POLA2: variants seen among roughly 807,000 people sequenced by gnomAD.
POLA2 encodes DNA polymerase alpha subunit B.
POLA2 carries 47 observed loss-of-function variants against 82.8 expected under a neutral mutation model. That is an observed-to-expected ratio of 0.57 (90% CI 0.45 to 0.72). POLA2 has a LOEUF of 0.72. Ranked by LOEUF, POLA2 falls within the 30% of genes least tolerant of loss-of-function variation. POLA2 has a pLI of 0.00. For synonymous variants in POLA2, 287 were observed against 286.8 expected, an observed-to-expected ratio of 1.00 and a Z score of -0.01; for missense variants, 634 against 728.1, an observed-to-expected ratio of 0.87 and a Z score of 1.49.
Position 65,295,614 on chromosome 11 carries a change from G to A in POLA2, c.1520+15G>A, listed in dbSNP as rs746936146. 1.1e-5 allele frequency: 17 copies of A among 1,609,502 alleles called. No homozygotes were observed. Among genetic ancestry groups the A allele is most frequent in the Non-Finnish European group, 1.4e-5 (17 of 1,176,462 alleles). On this transcript the variant is annotated intron_variant, in intron 16 of 17. Transcript: ENST00000265465. ...ACCCAGAGGAGGTGAGCTTGCCGCT[G>A]GGACCCCTGACTGTGGAGAGAGTGC...
chr11:65,268,378 G>A (rs1365506589), intron 3 of POLA2, among the ~76,000 whole-genome samples: 1 of 150,494 alleles, frequency 6.6e-6, no homozygotes, highest in African/African-American at 2.5e-5. Flanking sequence ...TTGAGATGGA[G>A]TCTCGCTGTG....
Position 65,295,999 on chromosome 11 carries a change from G to A in POLA2, c.1647+9G>A, listed in dbSNP as rs376439636. On this transcript the variant is annotated intron_variant, in intron 17 of 17. Transcript: ENST00000265465. ...TGAGGTACTTCGTGAAGGTAGGTTTGAACTCTGCTTTTTCCCAGAAACACC... is the reference window on the plus strand; with the variant it reads ...TGAGGTACTTCGTGAAGGTAGGTTTAAACTCTGCTTTTTCCCAGAAACACC... The A allele has an allele frequency of 7.7e-5, 125 of 1,613,932 alleles. No homozygotes were observed. The highest frequency in any genetic ancestry group is 9.3e-5 in the Non-Finnish European group (110 of 1,179,982).
rs752504026 is a variant in POLA2, at chr11:65,262,383, A to G, written c.79+12A>G. The G allele has an allele frequency of 1.2e-6, 2 of 1,604,666 alleles. No homozygotes were observed. Among genetic ancestry groups the G allele is most frequent in the Non-Finnish European group, 1.7e-6 (2 of 1,174,790 alleles). ...TCTAATTGAGAAATGTGAGTCCCGC[A>G]CCCCTCCCGCCCTGCAGCCGTGCTC... On this transcript the variant is annotated intron_variant, in intron 1 of 17. Transcript: ENST00000265465.
At chr11:65,287,621 G>T in intron 10 of POLA2, 95 bp from the exon 11 acceptor site, 1 of 1,188,242 alleles carries the variant, frequency 8.4e-7, no homozygotes. Context: ...GACTCAATGA[G>T]TTAAATCCTG....
At chr11:65,304,697 G>A (rs1949877471) in intron 8 of POLA2, among the ~76,000 whole-genome samples, 1 of 152,212 alleles carries the variant, frequency 6.6e-6, no homozygotes, top group African/African-American at 2.4e-5. Flanking sequence ...TGAGGTGGAG[G>A]GAGCAAATCG....
chr11:65,264,058 G>GT (rs1376819962), intron 1 of POLA2, among the ~76,000 whole-genome samples: 6 of 151,682 alleles, frequency 4.0e-5, no homozygotes, highest in East Asian at 1.9e-4. Flanking sequence ...GTATTTCCCT[G>GT]TTTTTTTTGT....
Position 65,262,203 on chromosome 11 carries a change from G to C in POLA2, c.-90G>C. 1.1e-6 allele frequency: 1 copy of C among 944,504 alleles called. No homozygotes were observed. The highest frequency in any genetic ancestry group is 1.7e-6 in the Non-Finnish European group (1 of 597,420). The allele number at this position is 944,504 out of a possible 1,614,324, so 58.5% of individuals were successfully genotyped here. Reference sequence around the variant, plus strand: ...GCGGAGGGGGGAAGGATAAGAGGGCGAGGAGCTCATCGCTCGCCACCCCCG... The same window carrying C: ...GCGGAGGGGGGAAGGATAAGAGGGCCAGGAGCTCATCGCTCGCCACCCCCG... On this transcript the variant is annotated 5_prime_UTR_variant, in exon 1 of 18. Transcript: ENST00000265465.
At chr11:65,294,363 G>T in intron 14 of POLA2, 102 bp downstream of exon 14, 1 of 1,035,374 alleles carries the variant, frequency 9.7e-7, no homozygotes, top group Non-Finnish European at 1.5e-6. Flanking sequence ...TCTTTAGGGT[G>T]TGCGTACAGC....
chr11:65,289,171 C>A, intron 12 of POLA2, 83 bp downstream of exon 12: 1 of 1,065,666 alleles, frequency 9.4e-7, no homozygotes, highest in Non-Finnish European at 1.4e-6. Flanking sequence ...GTTTATCCCA[C>A]ATCTGTAACA....
chr11:65,277,954 A>C (rs149081313), intron 5 of POLA2, among the ~76,000 whole-genome samples: 1 of 152,378 alleles, frequency 6.6e-6, no homozygotes, highest in Non-Finnish European at 1.5e-5. Flanking sequence ...TGATGGCATT[A>C]ATTGCGATGG....
downstream of POLA2, among the ~76,000 whole-genome samples, chr11:65,300,482 C>T (rs1431395431): frequency 6.6e-6 from 1 of 152,192 alleles, no homozygotes; most frequent in Non-Finnish European, 1.5e-5. Context: ...GAACTCCTGA[C>T]CTCAGGTGAT....
chr11:65,301,478 G>A (rs1451052058), downstream of POLA2, among the ~76,000 whole-genome samples: 1 of 152,146 alleles, frequency 6.6e-6, no homozygotes, highest in Non-Finnish European at 1.5e-5. Context: ...CAGGTCGGGA[G>A]GAAGAGGGGC....
At chr11:65,272,532 A>C (rs2137514786) in intron 4 of POLA2, among the ~76,000 whole-genome samples, 1 of 152,342 alleles carries the variant, frequency 6.6e-6, no homozygotes, top group Non-Finnish European at 1.5e-5. Flanking sequence ...TTTGGCTGCC[A>C]TGTCCCTAAC....
chr11:65,287,008 C>G (rs1270585664), intron 10 of POLA2, among the ~76,000 whole-genome samples: 12 of 152,140 alleles, frequency 7.9e-5, no homozygotes, highest in Admixed American at 7.9e-4. Flanking sequence ...TCTTTTTTCT[C>G]TCCTTGGATC....
rs1245360103 is a variant in POLA2, at chr11:65,280,228, G to A, written c.744+602G>A. Among the ~76,000 whole-genome samples the A allele has an allele frequency of 2.0e-5, 3 of 152,230 alleles. No individual in the cohort carries two copies. In the East Asian group the frequency reaches 5.8e-4, roughly 29 times the overall value. ...GCAGAACTGTGTCATAGAAGGAAGTGTTAGAGGACTTGGAAGGAAGTAATT... is the reference window on the plus strand; with the variant it reads ...GCAGAACTGTGTCATAGAAGGAAGTATTAGAGGACTTGGAAGGAAGTAATT... On this transcript the variant is annotated intron_variant, in intron 7 of 17. Coordinates refer to ENST00000265465, the MANE Select transcript of POLA2 (RefSeq NM_002689.4).
chr11:65,263,586 G>A (rs111724989), intron 1 of POLA2, among the ~76,000 whole-genome samples: 2,097 of 152,222 alleles, frequency 0.014, 41 homozygotes, highest in African/African-American at 0.048. Flanking sequence ...CCAGCATTTT[G>A]GGAGGCCAAG....
Position 65,281,730 on chromosome 11 carries a change from G to A in POLA2, c.961G>A (p.Glu321Lys), listed in dbSNP as rs895493418. The A allele has an allele frequency of 8.1e-6, 13 of 1,612,092 alleles. No individual in the cohort carries two copies. Among genetic ancestry groups the A allele is most frequent in the Non-Finnish European group, 1.0e-5 (12 of 1,178,304 alleles). Residue 321 changes from glutamate to lysine, a missense_variant and splice_region_variant, in exon 9 of 18, where the codon GAG becomes AAG. Physicochemically the swap from Glu to Lys is moderately conservative, Grantham distance 56. Coordinates refer to ENST00000265465, the MANE Select transcript of POLA2 (RefSeq NM_002689.4). ...GRKLVATKLY[E>K]GVPLPFYQPT... ...GAAACTTGTTGCCACCAAACTCTAC[G>A]AGGTACACAGCAGTACCCCCACTTG...
At chr11:65,267,099 G>A (rs754741051) in intron 2 of POLA2, among the ~76,000 whole-genome samples, 3 of 152,022 alleles carry the variant, frequency 2.0e-5, no homozygotes, top group African/African-American at 7.2e-5. Context: ...CCAGGTACTC[G>A]GAAAGCTGAG....
intron 13 of POLA2, among the ~76,000 whole-genome samples, chr11:65,293,608 CAAAAAA>C (rs35492423): frequency 1.4e-5 from 1 of 73,582 alleles, no homozygotes; most frequent in African/African-American, 4.1e-5. Context: ...GGCTCTGTCT[CAAAAAA>C]AAAAAAAAAA....
Sources: allele counts gnomAD v4.1 joint callset (sites outside exome capture counted in the v4.1 genomes callset), GRCh38; gene constraint gnomAD v4.1.1; transcripts MANE v1.5; gene names NCBI Gene and HGNC (gene_info 2026-07-23, HGNC 2026-07-21).